NCF4: variants seen among roughly 807,000 people sequenced by gnomAD.
NCF4 encodes the protein neutrophil cytosolic factor 4.
NCF4 carries 30 observed loss-of-function variants against 41.7 expected under a neutral mutation model. That is an observed-to-expected ratio of 0.72 (90% confidence interval 0.54 to 0.97). The LOEUF is 0.97. Among genes scored for constraint, NCF4 ranks in the 50% least tolerant of loss-of-function variants. NCF4 has a pLI of 0.00. For synonymous variants in NCF4, 195 were observed against 175.8 expected (o/e 1.11, Z -0.87); for missense variants, 432 against 460.9 (o/e 0.94, Z 0.57).
chr22:36,864,123 C>A lies in NCF4; in HGVS notation c.111C>A (p.Ser37Arg), dbSNP rs1939860899. Residue 37 changes from serine (S) to arginine (R), a missense_variant, in exon 2 of 10, where the codon AGC becomes AGA. Physicochemically the swap from Ser to Arg is moderately radical, Grantham distance 110 (BLOSUM62 -1). Transcript: ENST00000248899. ...ADIEEKRGFT[S>R]HFVFVIEVKT... ...TCGAGGAGAAGAGAGGCTTCACCAG[C>A]CACTTTGTAAGACAGACTCCTAGTC... The A allele has an allele frequency of 6.2e-7, 1 of 1,612,492 alleles. No homozygotes were observed. Among genetic ancestry groups the A allele is most frequent in the Non-Finnish European group, 8.5e-7 (1 of 1,178,560 alleles).
rs774805003 is a variant in NCF4 at position 36,864,908 on chromosome 22, GTCC to G, written c.118-6_118-4del. 3.3e-5 allele frequency: 54 copies of G among 1,613,678 alleles called. No homozygotes were observed. The highest frequency in any genetic ancestry group is 4.4e-5 in the Non-Finnish European group (52 of 1,179,954). On this transcript the variant is annotated splice_polypyrimidine_tract_variant and splice_region_variant and intron_variant, in intron 2 of 9. Coordinates refer to ENST00000248899, the MANE Select transcript of NCF4 (RefSeq NM_000631.5). ...CCCCTGAGCCCTCCCCACAACCTCT[GTCC>G]TCCTTAGGTTTTCGTCATCGAGGTG...
Position 36,877,856 on chromosome 22 carries a change from C to T in NCF4, c.*33C>T, listed in dbSNP as rs1175859311. 2 of 1,583,250 alleles carry T rather than the reference C, an allele frequency of 1.3e-6. No individual in the cohort carries two copies. Among genetic ancestry groups the T allele is most frequent in the African/African-American group, 1.4e-5 (1 of 73,992 alleles). Reference sequence around the variant, plus strand: ...GTGTCCCTGGAGCAGTGAGGGGACACCAGCAAAAACCTTCAGCTCTCAGAG... The same window carrying T: ...GTGTCCCTGGAGCAGTGAGGGGACATCAGCAAAAACCTTCAGCTCTCAGAG... On this transcript the variant is annotated 3_prime_UTR_variant, in exon 10 of 10. Coordinates refer to ENST00000248899, the MANE Select transcript of NCF4 (RefSeq NM_000631.5).
chr22:36,871,776 C>A, intron 6 of NCF4, 67 bp downstream of exon 6: 1 of 1,498,054 alleles, frequency 6.7e-7, no homozygotes, highest in Non-Finnish European at 9.1e-7. Flanking sequence ...CACCTGCCAG[C>A]CACTGGGCCT....
At position 36,865,050 on chromosome 22, in the gene NCF4, C is replaced by T; in HGVS notation, c.249C>T (p.Ala83=). The change falls in exon 3 of 10, where the codon GCC becomes GCT. Residue 83 remains alanine (A), a synonymous_variant. Coordinates refer to ENST00000248899, the MANE Select transcript of NCF4 (RefSeq NM_000631.5). This position sits in a 1 kb window ranked among gnomAD's most constrained non-coding sequence, Gnocchi z 4.3. ...CAGACAGCAAGAGCAGTGCCCTGGC[C>T]TGTACCCTGCCCACACTCCCAGGTA... is the stretch of plus-strand genomic sequence containing the variant. ...FGPDSKSSAL[A]CTLPTLPAKV... The T allele has an allele frequency of 6.2e-7, 1 of 1,612,420 alleles. No homozygotes were observed. The highest frequency in any genetic ancestry group is 8.5e-7 in the Non-Finnish European group (1 of 1,180,008).
Position 36,877,612 on chromosome 22 carries a change from G to A in NCF4, c.825-16G>A, listed in dbSNP as rs1317461270. Reference sequence around the variant, plus strand: ...ACGCTTAGGCCCTTTGATTATCCCTGACTTTTCCCATGCAGGCGGGAGTTC... The same window carrying A: ...ACGCTTAGGCCCTTTGATTATCCCTAACTTTTCCCATGCAGGCGGGAGTTC... On this transcript the variant is annotated splice_polypyrimidine_tract_variant and intron_variant, in intron 9 of 9. Transcript: ENST00000248899. The A allele has an allele frequency of 6.2e-7, 1 of 1,614,006 alleles. No individual in the cohort carries two copies. The highest frequency in any genetic ancestry group is 1.7e-5 in the Admixed American group (1 of 60,012).
At chr22:36,870,071 A>C in intron 4 of NCF4, 1 of 371,556 alleles carries the variant, frequency 2.7e-6, no homozygotes, top group Non-Finnish European at 5.2e-6. Context: ...AGATGGAGCA[A>C]GGGCGCGCAT....
At chr22:36,872,643 A>T (rs1457616536) in intron 7 of NCF4, among the ~76,000 whole-genome samples, 1 of 13,706 alleles carries the variant, frequency 7.3e-5, no homozygotes, top group Non-Finnish European at 2.0e-4. Context: ...GGGTGGAGGT[A>T]AGAGTGGAGA....
rs1302429700 is a variant in NCF4, at chr22:36,865,014, G to T, written c.213G>T (p.Glu71Asp). The T allele has an allele frequency of 1.9e-6, 3 of 1,613,880 alleles. No homozygotes were observed. Among genetic ancestry groups the T allele is most frequent in the Non-Finnish European group, 2.5e-6 (3 of 1,180,036 alleles). Residue 71 changes from glutamate (E) to aspartate (D), a missense_variant, in exon 3 of 10, where the codon GAG (glutamate) becomes GAT (aspartate). By Grantham distance (45) the Glu-to-Asp change is conservative (BLOSUM62 2). Coordinates refer to ENST00000248899, the MANE Select transcript of NCF4 (RefSeq NM_000631.5). This position sits in a 1 kb window ranked among gnomAD's most constrained non-coding sequence, Gnocchi z 4.3. ...ATGCTTTGCAGAGCAAGCTGGAGGA[G>T]CGCTTCGGGCCAGACAGCAAGAGCA... is the stretch of plus-strand genomic sequence containing the variant. ...QFHALQSKLE[E>D]RFGPDSKSSA...
At chr22:36,876,911 C>T (rs1940204887) in intron 9 of NCF4, among the ~76,000 whole-genome samples, 2 of 152,198 alleles carry the variant, frequency 1.3e-5, no homozygotes, top group African/African-American at 4.8e-5. Flanking sequence ...TTTCTACGTA[C>T]ACCAGCCAAG....
At chr22:36,868,011 T>C (rs1939968896) in intron 4 of NCF4, among the ~76,000 whole-genome samples, 1 of 152,182 alleles carries the variant, frequency 6.6e-6, no homozygotes, top group Non-Finnish European at 1.5e-5. Context: ...GGCCCTTGTG[T>C]ATTCTCCGAC....
At chr22:36,869,010 T>G (rs1278200303) in intron 4 of NCF4, among the ~76,000 whole-genome samples, 1 of 152,174 alleles carries the variant, frequency 6.6e-6, no homozygotes, top group Non-Finnish European at 1.5e-5. Context: ...CACATGATAA[T>G]GACAACTGCC....
intron 7 of NCF4, among the ~76,000 whole-genome samples, 156 bp from the exon 8 acceptor site, chr22:36,875,497 G>C (rs1220386350): frequency 6.6e-6 from 1 of 152,188 alleles, no homozygotes; most frequent in Non-Finnish European, 1.5e-5. Flanking sequence ...GAAGTGACCA[G>C]CTCAGCGAAC....
intron 7 of NCF4, among the ~76,000 whole-genome samples, chr22:36,874,620 C>T (rs1402093311): frequency 6.6e-6 from 1 of 152,206 alleles, no homozygotes; most frequent in African/African-American, 2.4e-5. Flanking sequence ...TGGCTAACTT[C>T]TGGCCTCAGG....
chr22:36,864,908 G>A lies in NCF4; in HGVS notation c.118-11G>A, dbSNP rs751736931. Reference sequence around the variant, plus strand: ...CCCCTGAGCCCTCCCCACAACCTCTGTCCTCCTTAGGTTTTCGTCATCGAG... The same window carrying A: ...CCCCTGAGCCCTCCCCACAACCTCTATCCTCCTTAGGTTTTCGTCATCGAG... On this transcript the variant is annotated splice_polypyrimidine_tract_variant and intron_variant, in intron 2 of 9. Coordinates refer to ENST00000248899, the MANE Select transcript of NCF4 (RefSeq NM_000631.5). 6.2e-7 allele frequency: 1 copy of A among 1,613,678 alleles called. No individual in the cohort carries two copies. The highest frequency in any genetic ancestry group is 1.1e-5 in the South Asian group (1 of 91,066).
chr22:36,862,508 TG>T (rs1939798557), intron 1 of NCF4, among the ~76,000 whole-genome samples: 1 of 152,148 alleles, frequency 6.6e-6, no homozygotes, highest in African/African-American at 2.4e-5. Context: ...TCCTGCTTTC[TG>T]GGGTACAGGG....
chr22:36,872,090 T>A (rs1167570364), intron 6 of NCF4: 1 of 707,468 alleles, frequency 1.4e-6, no homozygotes, highest in East Asian at 2.7e-5. Context: ...TTCGAACCCT[T>A]CCCTGTGTGC....
rs374737008 is a variant in NCF4, at chr22:36,864,879, C to T, written c.118-40C>T. The T allele has an allele frequency of 7.3e-5, 118 of 1,613,514 alleles. No homozygotes were observed. In the African/African-American group the frequency reaches 1.5e-3, roughly 20 times the overall value. On this transcript the variant is annotated intron_variant, in intron 2 of 9. Coordinates refer to ENST00000248899, the MANE Select transcript of NCF4 (RefSeq NM_000631.5). ...TTCCACCTCTTTTTGGCTTGTGCTC[C>T]TGGCCCCTGAGCCCTCCCCACAACC...
In NCF4 at chr22:36,876,066, C is replaced by T. The variant is rs374646787; in HGVS notation, c.796C>T (p.Leu266=). 1.6e-4 allele frequency: 260 copies of T among 1,610,892 alleles called. No homozygotes were observed. Among genetic ancestry groups the T allele is most frequent in the Non-Finnish European group, 2.2e-4 (255 of 1,177,862 alleles). ...GGAGGAAGATCTCAGCAGCACTCCC[C>T]TATTGAAAGACCTGCTGGAGCTCAC... ...AVEEDLSSTP[L]LKDLLELTRR... is the part of the protein sequence containing the mutation. Residue 266 remains leucine (L), a synonymous_variant, in exon 9 of 10, where the codon CTA becomes TTA. Transcript: ENST00000248899.
intron 1 of NCF4, among the ~76,000 whole-genome samples, chr22:36,863,762 A>G (rs1939843696): frequency 6.6e-6 from 1 of 151,296 alleles, no homozygotes; most frequent in African/African-American, 2.4e-5. Context: ...CTATTGCTAT[A>G]TGGTCACCAG....
Sources: allele counts gnomAD v4.1 joint callset (sites outside exome capture counted in the v4.1 genomes callset), GRCh38; gene constraint gnomAD v4.1.1; non-coding constraint Gnocchi (gnomAD v3.1); transcripts MANE v1.5; gene names NCBI Gene and HGNC (gene_info 2026-07-23, HGNC 2026-07-21).